CELF2: variants seen among roughly 807,000 people sequenced by gnomAD.
CELF2 encodes the protein CUG triplet repeat RNA-binding protein 2.
CELF2 carries 8 observed loss-of-function variants against 62.6 expected under a neutral mutation model. The ratio of observed to expected loss-of-function variants is 0.13; its 90% CI spans 0.07 to 0.23. The LOEUF is 0.23. Ranked by LOEUF, CELF2 falls within the 10% of genes least tolerant of loss-of-function variation. CELF2 has a pLI of 1.00. For missense variants in CELF2, 333 were observed against 671.0 expected (o/e 0.50, Z 5.56); for synonymous variants, 258 against 250.0 (o/e 1.03, Z -0.30).
At chr10:10,617,475 G>A in the CELF2 span, among the ~76,000 whole-genome samples, 1 of 152,098 alleles carries the variant, frequency 6.6e-6, no homozygotes, top group Non-Finnish European at 1.5e-5. Flanking sequence ...GACTTTGAAA[G>A]GATCCTTCAA....
intron 1 of CELF2, among the ~76,000 whole-genome samples, chr10:10,885,568 A>C (rs1013908894): frequency 6.6e-6 from 1 of 152,112 alleles, no homozygotes; most frequent in African/African-American, 2.4e-5. Flanking sequence ...TAAAAATTAC[A>C]CAAAAATGTC....
At chr10:11,154,222 A>G (rs888440851) in intron 1 of CELF2, among the ~76,000 whole-genome samples, 1 of 152,228 alleles carries the variant, frequency 6.6e-6, no homozygotes, top group Non-Finnish European at 1.5e-5. Context: ...GTGTTTTAAG[A>G]AATAAGCAAA....
intron 3 of CELF2, among the ~76,000 whole-genome samples, chr10:11,228,034 A>C (rs1487126775): frequency 6.6e-6 from 1 of 152,206 alleles, no homozygotes; most frequent in Non-Finnish European, 1.5e-5. Flanking sequence ...CAGTGTAGTC[A>C]AGAAGTCACA....
At chr10:11,068,918 T>C (rs1221223510) in intron 1 of CELF2, among the ~76,000 whole-genome samples, 1 of 152,222 alleles carries the variant, frequency 6.6e-6, no homozygotes, top group Non-Finnish European at 1.5e-5. Context: ...ACCACATAGC[T>C]CTGTTGGACC....
At chr10:11,266,214 T>C (rs1329449352) in intron 5 of CELF2, among the ~76,000 whole-genome samples, 1 of 152,182 alleles carries the variant, frequency 6.6e-6, no homozygotes, top group African/African-American at 2.4e-5. Context: ...AGCCCTGATG[T>C]GTGAATGCCC....
chr10:10,516,293 A>C, the CELF2 span, among the ~76,000 whole-genome samples: 1 of 152,174 alleles, frequency 6.6e-6, no homozygotes, highest in South Asian at 2.1e-4. Context: ...CTATTATTTA[A>C]ATCTGAATTC....
In CELF2 at chr10:11,117,019, T is replaced by A. The variant is rs2143722284; in HGVS notation, c.75-48467T>A. ...GCACAGTTAAGTCATGTGCCCAGGA[T>A]CACACAGCTGGTAATGGCAGAACTT... is the stretch of plus-strand genomic sequence containing the variant. On this transcript the variant is annotated intron_variant, in intron 1 of 12. Coordinates refer to ENST00000633077, the MANE Select transcript of CELF2 (RefSeq NM_001326342.2). The surrounding 1 kb of genome is among the most constrained non-coding windows in gnomAD (Gnocchi z 4.1). 1.3e-5 allele frequency among the ~76,000 whole-genome samples: 2 copies of A among 152,320 alleles called. 1 individual carries two copies. Among genetic ancestry groups the A allele is most frequent in the South Asian group, 4.1e-4 (2 of 4,826 alleles).
Position 11,046,373 on chromosome 10 carries a change from C to T in CELF2, c.74+28210C>T, listed in dbSNP as rs1015064009. Among the ~76,000 whole-genome samples the T allele has an allele frequency of 4.6e-5, 7 of 152,198 alleles. No homozygotes were observed. Among genetic ancestry groups the T allele is most frequent in the African/African-American group, 7.2e-5 (3 of 41,440 alleles). On this transcript the variant is annotated intron_variant, in intron 1 of 12. Coordinates refer to ENST00000633077, the MANE Select transcript of CELF2 (RefSeq NM_001326342.2). This position sits in a 1 kb window ranked among gnomAD's most constrained non-coding sequence, Gnocchi z 4.6. ...TGGATGCAATTTGGATCTCCCTAGA[C>T]GACTTGGCCCAGAGTTGGGCACAGA...
the CELF2 span, among the ~76,000 whole-genome samples, chr10:10,560,844 G>C: frequency 6.6e-6 from 1 of 152,138 alleles, no homozygotes; most frequent in African/African-American, 2.4e-5. Flanking sequence ...CCATAAAAAG[G>C]AATGAATTAA....
intron 2 of CELF2, among the ~76,000 whole-genome samples, chr10:10,956,797 T>G: frequency 6.6e-6 from 1 of 151,974 alleles, no homozygotes; most frequent in Non-Finnish European, 1.5e-5. Context: ...AGCTGAGTGT[T>G]GTGGTGTGCA....
chr10:10,823,851 G>A (rs907150307), intron 1 of CELF2, among the ~76,000 whole-genome samples: 8 of 152,062 alleles, frequency 5.3e-5, no homozygotes, highest in Non-Finnish European at 1.0e-4. Flanking sequence ...CATAAAACTT[G>A]TTCAAACACA....
rs2093836189 is a variant in CELF2 at position 11,302,322 on chromosome 10, T to C, written c.977-11817T>C. 6.6e-6 allele frequency among the ~76,000 whole-genome samples: 1 copy of C among 152,170 alleles called. No individual in the cohort carries two copies. Among genetic ancestry groups the C allele is most frequent in the South Asian group, 2.1e-4 (1 of 4,832 alleles). ...AGTCCTGACACACGTGGTTCTCTAA[T>C]GTTTGCATGCAAAAGCAGCGCCGAG... On this transcript the variant is annotated intron_variant, in intron 9 of 12. Transcript: ENST00000633077. The surrounding 1 kb of genome is among the most constrained non-coding windows in gnomAD (Gnocchi z 5.0).
rs1303352873 is a variant in CELF2 at position 11,156,002 on chromosome 10, CAGAAAAGTAGGTGG to C, written c.75-9481_75-9468del. ...GAATGGACAGATAATCAGCATTTAA[CAGAAAAGTAGGTGG>C]AGTTCTGAATGCCGGGCAAGCACAA... On this transcript the variant is annotated intron_variant, in intron 1 of 12. Transcript: ENST00000633077. The surrounding 1 kb of genome is among the most constrained non-coding windows in gnomAD (Gnocchi z 4.3). Among the ~76,000 whole-genome samples, 1 of 152,162 alleles carries C rather than the reference CAGAAAAGTAGGTGG, an allele frequency of 6.6e-6. No homozygotes were observed. Among genetic ancestry groups the C allele is most frequent in the Non-Finnish European group, 1.5e-5 (1 of 68,046 alleles).
intron 9 of CELF2, among the ~76,000 whole-genome samples, chr10:11,303,154 TG>T (rs2093923850): frequency 6.6e-6 from 1 of 152,204 alleles, no homozygotes; most frequent in Admixed American, 6.5e-5. Context: ...TTCCACCCAC[TG>T]ATCCTAATTT....
chr10:10,600,020 C>G, the CELF2 span, among the ~76,000 whole-genome samples: 2 of 152,266 alleles, frequency 1.3e-5, no homozygotes, highest in South Asian at 4.2e-4. Context: ...CGTGAGCCAC[C>G]GAGCCCGGCC....
At chr10:10,604,279 A>G in the CELF2 span, among the ~76,000 whole-genome samples, 254 of 152,356 alleles carry the variant, frequency 1.7e-3, 8 homozygotes, top group Non-Finnish European at 1.6e-3. Context: ...GATACGATAG[A>G]TTTCGCATTG....
intron 3 of CELF2, among the ~76,000 whole-genome samples, chr10:11,225,335 A>C (rs897454246): frequency 4.6e-5 from 7 of 152,164 alleles, no homozygotes. Flanking sequence ...CTCCAGCCTT[A>C]AAAACGCTTG....
At chr10:11,287,182 T>G (rs994152790) in intron 8 of CELF2, among the ~76,000 whole-genome samples, 12 of 152,068 alleles carry the variant, frequency 7.9e-5, no homozygotes, top group African/African-American at 2.9e-4. Flanking sequence ...CCGTAGATAT[T>G]GATTAAGTAT....
chr10:10,771,932 T>G, the CELF2 span, among the ~76,000 whole-genome samples: 1 of 152,224 alleles, frequency 6.6e-6, no homozygotes, highest in African/African-American at 2.4e-5. Context: ...TTCTGATTAA[T>G]ATATAGACGT....
Sources: gnomAD v4.1 joint callset for allele counts (sites outside exome capture counted in the v4.1 genomes callset) on GRCh38, gnomAD v4.1.1 for gene constraint, Gnocchi (gnomAD v3.1) non-coding constraint, MANE v1.5 for transcripts, NCBI Gene and HGNC (gene_info 2026-07-23, HGNC 2026-07-21) for gene names.